The following CLIP1 variants were observed in gnomAD, a reference collection of about 807,000 sequenced individuals.
The protein encoded by CLIP1 is CAP-Gly domain containing linker protein 1, also known as CAP-Gly domain-containing linker protein 1.
A neutral mutation model predicts 161.6 loss-of-function variants in CLIP1; 66 were observed. That is an observed-to-expected ratio of 0.41 (90% CI 0.33 to 0.50). CLIP1 has a LOEUF of 0.50. Among genes scored for constraint, CLIP1 ranks in the 20% least tolerant of loss-of-function variants. The pLI, the probability that CLIP1 is intolerant of heterozygous loss-of-function variation, is 0.27. For synonymous variants in CLIP1, 598 were observed against 626.2 expected, an observed-to-expected ratio of 0.96 and a Z score of 0.67; for missense variants, 1,376 against 1,702.0, an observed-to-expected ratio of 0.81 and a Z score of 3.37.
chr12:122,350,593 G>A lies in CLIP1; in HGVS notation c.1401+518C>T, dbSNP rs149133942. Among the ~76,000 whole-genome samples the A allele has an allele frequency of 1.1e-4, 17 of 152,132 alleles. No homozygotes were observed. The East Asian group carries it at 2.9e-3, about 26-fold the overall frequency. On this transcript the variant is annotated intron_variant, in intron 9 of 25. Transcript: ENST00000620786. ...AAATGTCTCATCAGCTGCACTGGCA[G>A]GCACTGGCCAGTGGCGGGGGCACAC...
chr12:122,278,216 G>GAAAAAAA lies in CLIP1; in HGVS notation c.3917-20_3917-14dup. ...GTGTCTGTATTACCTTATATTTGAG[G>GAAAAAAA]AAAAAAAAAAAAAAACAAGTGGAGG... On this transcript the variant is annotated splice_polypyrimidine_tract_variant and intron_variant, in intron 23 of 25. Transcript: ENST00000620786. 2.9e-6 allele frequency: 4 copies of GAAAAAAA among 1,362,342 alleles called. No individual in the cohort carries two copies. The highest frequency in any genetic ancestry group is 4.8e-5 in the East Asian group (2 of 41,596). The allele number at this position is 1,362,342 out of a possible 1,614,324, so 84.4% of individuals were successfully genotyped here.
At chr12:122,418,574 A>C (rs1267726828) in intron 1 of CLIP1, among the ~76,000 whole-genome samples, 1 of 152,046 alleles carries the variant, frequency 6.6e-6, no homozygotes, top group African/African-American at 2.4e-5. Flanking sequence ...GAAACATAGC[A>C]AGACCTCATC....
At chr12:122,372,662 A>T (rs1954514510) in intron 3 of CLIP1, among the ~76,000 whole-genome samples, 1 of 152,152 alleles carries the variant, frequency 6.6e-6, no homozygotes, top group South Asian at 2.1e-4. Context: ...TCGCAAAGGA[A>T]TTAAGCTAAG....
At chr12:122,354,603 T>C (rs768421445) in intron 6 of CLIP1, 47 bp from the exon 7 acceptor site, 2 of 1,469,514 alleles carry the variant, frequency 1.4e-6, no homozygotes, top group Admixed American at 1.7e-5. Context: ...CTGACCCAGA[T>C]ACAGACCCAG....
At chr12:122,390,563 C>T (rs983574850) in intron 1 of CLIP1, among the ~76,000 whole-genome samples, 5 of 151,624 alleles carry the variant, frequency 3.3e-5, no homozygotes, top group South Asian at 2.1e-4. Context: ...CCGCCCACCT[C>T]GGCCTCCCAA....
intron 20 of CLIP1, among the ~76,000 whole-genome samples, chr12:122,294,612 A>T (rs1472341201): frequency 1.3e-5 from 2 of 151,970 alleles, no homozygotes; most frequent in Non-Finnish European, 2.9e-5. Flanking sequence ...AAAGATCAAA[A>T]AATTAATCAA....
chr12:122,387,565 TATATATATATATATATATATATA>T (rs1566209123), intron 1 of CLIP1, among the ~76,000 whole-genome samples: 28 of 10,814 alleles, frequency 2.6e-3, no homozygotes, highest in South Asian at 8.8e-3. Flanking sequence ...TATATATATA[TATATATATATATATATATATATA>T]TATTTTTTTT....
intron 3 of CLIP1, among the ~76,000 whole-genome samples, chr12:122,368,904 A>T (rs369074414): frequency 6.0e-5 from 9 of 149,234 alleles, no homozygotes; most frequent in African/African-American, 2.0e-4. Flanking sequence ...GCACTTCAAT[A>T]AAAAAAAAAT....
chr12:122,375,923 G>A lies in CLIP1; in HGVS notation c.657+1466C>T, dbSNP rs1306882605. ...CCTGAGTAGCTGGGACTACAGGCGT[G>A]AGACCCCATGTCCGGCTTATTTTAA... On this transcript the variant is annotated intron_variant, in intron 3 of 25. Transcript: ENST00000620786. Among the ~76,000 whole-genome samples the A allele has an allele frequency of 3.3e-5, 5 of 150,872 alleles. No homozygotes were observed. In the East Asian group the frequency reaches 7.9e-4, roughly 24 times the overall value.
In CLIP1 at chr12:122,309,819, G is replaced by C; in HGVS notation, c.3537C>G (p.Asn1179Lys). ...SQQLSALQEE[N>K]VKLAEELGRS... The stretch of plus-strand genomic sequence containing the variant: ...TCCCCAGCTCCTCAGCAAGTTTAAC[G>C]TTCTCTTCTTGCAACGCTGAAAGCT... The change falls in exon 20 of 26, where the codon AAC becomes AAG. Residue 1179 changes from asparagine to lysine, a missense_variant. Physicochemically the swap from Asn to Lys is moderately conservative, Grantham distance 94. Around this residue, in one of 6 missense-constraint regions of CLIP1, gnomAD observed 948 missense variants for 1,134.8 expected, o/e 0.84. Transcript: ENST00000620786. The C allele has an allele frequency of 6.2e-7, 1 of 1,613,696 alleles. No individual in the cohort carries two copies. Among genetic ancestry groups the C allele is most frequent in the East Asian group, 2.2e-5 (1 of 44,894 alleles).
At chr12:122,413,807 T>C (rs964627490) in intron 1 of CLIP1, among the ~76,000 whole-genome samples, 7 of 151,794 alleles carry the variant, frequency 4.6e-5, no homozygotes, top group Non-Finnish European at 7.4e-5. Flanking sequence ...AATTAAAAAG[T>C]AGACCCACCC....
At chr12:122,289,482 A>C (rs1592983994) in intron 20 of CLIP1, among the ~76,000 whole-genome samples, 1 of 152,148 alleles carries the variant, frequency 6.6e-6, no homozygotes, top group East Asian at 1.9e-4. Flanking sequence ...TCCTTTACTT[A>C]AACCGCAGAA....
intron 17 of CLIP1, among the ~76,000 whole-genome samples, chr12:122,325,473 AATTT>A (rs551251197): frequency 2.6e-4 from 39 of 151,538 alleles, no homozygotes; most frequent in Admixed American, 2.2e-3. Flanking sequence ...AACAAATTTA[AATTT>A]ATTTATTTAT....
intron 1 of CLIP1, among the ~76,000 whole-genome samples, chr12:122,391,540 C>T (rs1593230655): frequency 6.6e-6 from 1 of 152,134 alleles, no homozygotes; most frequent in Non-Finnish European, 1.5e-5. Context: ...GAGCTGAGAT[C>T]GCGCCATCGT....
At chr12:122,315,670 T>C (rs1951234231) in intron 19 of CLIP1, among the ~76,000 whole-genome samples, 1 of 151,064 alleles carries the variant, frequency 6.6e-6, no homozygotes, top group African/African-American at 2.4e-5. Flanking sequence ...AGATGGAGTC[T>C]CGCTCTGTCA....
intron 1 of CLIP1, among the ~76,000 whole-genome samples, chr12:122,397,626 A>G (rs1381098039): frequency 6.8e-6 from 1 of 148,136 alleles, no homozygotes; most frequent in Non-Finnish European, 1.5e-5. Flanking sequence ...CCATTTTCCC[A>G]TCAGTAAATA....
chr12:122,298,618 T>C (rs1394243430), intron 20 of CLIP1, among the ~76,000 whole-genome samples: 1 of 147,116 alleles, frequency 6.8e-6, no homozygotes, highest in African/African-American at 2.5e-5. Flanking sequence ...AAAAAAAGAA[T>C]ATTTACATCT....
rs1952802919 is a variant in CLIP1 at position 122,347,432 on chromosome 12, G to T, written c.1449C>A (p.Ser483Arg). 1.2e-6 allele frequency: 2 copies of T among 1,613,838 alleles called. No individual in the cohort carries two copies. ...CAGCTTTGGTCTTTTCAAAGAGCAG[G>T]CTCTGTTCAAGCTCCTTAATGCGGG... ...EHARIKELEQSLLFEKTKADK... is the reference protein window; with the variant it reads ...EHARIKELEQRLLFEKTKADK... The change falls in exon 10 of 26, where the codon AGC becomes AGA. Residue 483 changes from serine (S) to arginine (R), a missense_variant. Ser to Arg is a moderately radical substitution (Grantham distance 110). Around this residue, in one of 6 missense-constraint regions of CLIP1, gnomAD observed 948 missense variants for 1,134.8 expected, o/e 0.84. Transcript: ENST00000620786.
intron 17 of CLIP1, chr12:122,322,517 T>C (rs1477824430): frequency 6.5e-6 from 1 of 152,678 alleles, no homozygotes; most frequent in Non-Finnish European, 1.5e-5. Context: ...GGCAGCAAGT[T>C]GAGCTGCTTC....
Sources: allele counts gnomAD v4.1 joint callset (sites outside exome capture counted in the v4.1 genomes callset), GRCh38; gene constraint gnomAD v4.1.1; regional missense constraint gnomAD v4.1.1; transcripts MANE v1.5; gene names NCBI Gene and HGNC (gene_info 2026-07-23, HGNC 2026-07-21).